UNC79: variants seen among roughly 807,000 people sequenced by gnomAD.
UNC79 encodes the protein unc-79 subunit of NALCN channel complex, also known as protein unc-79 homolog.
Under a neutral mutation model 283.1 loss-of-function variants are expected in UNC79, and 37 were observed. That is an observed-to-expected ratio of 0.13 (90% CI 0.10 to 0.17). The LOEUF (loss-of-function observed/expected upper bound fraction) is 0.17. Ranked by LOEUF, UNC79 falls within the 10% of genes least tolerant of loss-of-function variation. The pLI is 1.00. For missense variants in UNC79, 2,272 were observed against 3,211.1 expected, an observed-to-expected ratio of 0.71 and a Z score of 7.07; for synonymous variants, 1,107 against 1,200.2, an observed-to-expected ratio of 0.92 and a Z score of 1.61.
chr14:93,419,414 G>A (rs2055541301), intron 1 of UNC79, among the ~76,000 whole-genome samples: 1 of 151,418 alleles, frequency 6.6e-6, no homozygotes, highest in Admixed American at 6.6e-5. Flanking sequence ...TGATCCACCT[G>A]CCTCAGCCTC....
chr14:93,658,255 C>A (rs2071167930), intron 38 of UNC79, among the ~76,000 whole-genome samples: 1 of 152,190 alleles, frequency 6.6e-6, no homozygotes, highest in African/African-American at 2.4e-5. Context: ...TTTATAGAAG[C>A]AGATCTCAAA....
chr14:93,640,828 C>T (rs74073856), intron 32 of UNC79, among the ~76,000 whole-genome samples: 3,188 of 152,100 alleles, frequency 0.021, 118 homozygotes, highest in African/African-American at 0.068. Flanking sequence ...TTAAGGGTAC[C>T]CTTGAATAGA....
intron 7 of UNC79, among the ~76,000 whole-genome samples, chr14:93,502,284 G>A (rs2059332329): frequency 6.6e-6 from 1 of 152,098 alleles, no homozygotes; most frequent in Non-Finnish European, 1.5e-5. Flanking sequence ...GTGGTGGTGG[G>A]CACCTGTAGT....
intron 23 of UNC79, among the ~76,000 whole-genome samples, chr14:93,596,268 T>C (rs2065074844): frequency 6.6e-6 from 1 of 152,314 alleles, no homozygotes; most frequent in South Asian, 2.1e-4. Flanking sequence ...AAGGCCACTC[T>C]AGGAGATCAG....
rs374088349 is a variant in UNC79, at chr14:93,486,656, G to GAAAAAAAAAAAAAAAAAAAA, written c.620-1007_620-1006insAAAAAAAAAAAAAAAAAAAA. ...GCAACAAGAGTGAGACTCTGTCTAA[G>GAAAAAAAAAAAAAAAAAAAA]GAAAAAAAAAAAAAAAAAAAAAGAA... On this transcript the variant is annotated intron_variant, in intron 4 of 48. Coordinates refer to ENST00000555664, the Ensembl canonical transcript of UNC79. Among the ~76,000 whole-genome samples the GAAAAAAAAAAAAAAAAAAAA allele has an allele frequency of 2.5e-5, 2 of 78,508 alleles. 1 individual carries two copies. Among genetic ancestry groups the GAAAAAAAAAAAAAAAAAAAA allele is most frequent in the Admixed American group, 3.3e-4 (2 of 6,068 alleles). The allele number at this position is 78,508 out of a possible 152,430, so 51.5% of individuals were successfully genotyped here.
intron 4 of UNC79, among the ~76,000 whole-genome samples, chr14:93,486,681 A>C (rs1248411484): frequency 3.3e-5 from 5 of 151,788 alleles, no homozygotes; most frequent in African/African-American, 1.2e-4. Context: ...AAAAAAAAGA[A>C]AGAAAGTCCT....
chr14:93,369,261 A>G (rs544061347), intron 1 of UNC79, among the ~76,000 whole-genome samples: 4 of 152,350 alleles, frequency 2.6e-5, no homozygotes, highest in African/African-American at 7.2e-5. Context: ...CCTTCTACTT[A>G]TACTGTTCTT....
intron 14 of UNC79, among the ~76,000 whole-genome samples, chr14:93,567,654 C>G (rs1351791510): frequency 6.6e-6 from 1 of 152,244 alleles, no homozygotes; most frequent in East Asian, 1.9e-4. Flanking sequence ...TTGTTTATTG[C>G]TCAATTAAAC....
chr14:93,423,889 T>G (rs1329556949), intron 1 of UNC79, among the ~76,000 whole-genome samples: 1 of 152,174 alleles, frequency 6.6e-6, no homozygotes, highest in African/African-American at 2.4e-5. Context: ...AAAAGGCTTC[T>G]GCACAGCAAA....
At chr14:93,655,992 T>G (rs1311342736) in intron 38 of UNC79, among the ~76,000 whole-genome samples, 2 of 152,182 alleles carry the variant, frequency 1.3e-5, no homozygotes, top group Non-Finnish European at 2.9e-5. Flanking sequence ...GGAAGAAACC[T>G]ATAAAGATCA....
intron 14 of UNC79, among the ~76,000 whole-genome samples, chr14:93,557,014 G>T (rs12591010): frequency 0.17 from 25,910 of 152,172 alleles, 2,770 homozygotes; most frequent in East Asian, 0.31. Flanking sequence ...AATTCAAGGT[G>T]AGTGGCAGAG....
Position 93,687,486 on chromosome 14 carries a change from A to T in UNC79, c.6909+825A>T, listed in dbSNP as rs7158267. On this transcript the variant is annotated intron_variant, in intron 43 of 48. Coordinates refer to ENST00000555664, the Ensembl canonical transcript of UNC79. ...ATGGTCCAAGGAGCAGCCAAATTGC[A>T]ATCTGGTGCTAGATGATTCCTTTTT... is the stretch of plus-strand genomic sequence containing the variant. Among the ~76,000 whole-genome samples, 500 of 152,298 alleles carry T rather than the reference A, an allele frequency of 3.3e-3. 3 individuals carry two copies. Among genetic ancestry groups the T allele is most frequent in the African/African-American group, 0.011 (475 of 41,570 alleles).
chr14:93,377,497 G>T (rs1428249485), intron 1 of UNC79, among the ~76,000 whole-genome samples: 1 of 152,168 alleles, frequency 6.6e-6, no homozygotes, highest in Non-Finnish European at 1.5e-5. Flanking sequence ...GAAGGCAAGA[G>T]TTGGAAAATA....
At chr14:93,378,114 T>C (rs2054597263) in intron 1 of UNC79, among the ~76,000 whole-genome samples, 1 of 152,206 alleles carries the variant, frequency 6.6e-6, no homozygotes, top group Non-Finnish European at 1.5e-5. Flanking sequence ...ATTTTGATTC[T>C]TTGATGACTG....
chr14:93,597,133 A>G (rs752144670), intron 23 of UNC79, among the ~76,000 whole-genome samples: 6 of 152,238 alleles, frequency 3.9e-5, no homozygotes, highest in South Asian at 2.1e-4. Context: ...GTGGGAAAAA[A>G]AAGTTCTGCT....
At chr14:93,631,707 G>T (rs1414334170) in intron 31 of UNC79, among the ~76,000 whole-genome samples, 2 of 152,158 alleles carry the variant, frequency 1.3e-5, no homozygotes, top group Non-Finnish European at 2.9e-5. Context: ...TGATGATCCT[G>T]AAAAAACAGA....
At chr14:93,583,329 A>AAT (rs1566705828) in intron 20 of UNC79, among the ~76,000 whole-genome samples, 2 of 151,346 alleles carry the variant, frequency 1.3e-5, no homozygotes, top group African/African-American at 4.9e-5. Context: ...AAAAAAAAAA[A>AAT]AATAATAAAT....
intron 1 of UNC79, among the ~76,000 whole-genome samples, chr14:93,395,306 T>C (rs10152071): frequency 0.71 from 107,557 of 152,100 alleles, 38,513 homozygotes; most frequent in Middle Eastern, 0.78. Flanking sequence ...TAAAAAACTA[T>C]TGTAGACTAG....
intron 1 of UNC79, among the ~76,000 whole-genome samples, chr14:93,415,761 G>A (rs1168161601): frequency 1.3e-5 from 2 of 151,520 alleles, no homozygotes; most frequent in African/African-American, 4.8e-5. Context: ...GGGTGTATGT[G>A]TCGAGGAATT....
Sources: allele counts gnomAD v4.1 joint callset (sites outside exome capture counted in the v4.1 genomes callset), GRCh38; gene constraint gnomAD v4.1.1; transcripts MANE v1.5; gene names NCBI Gene and HGNC (gene_info 2026-07-23, HGNC 2026-07-21).